The following CNBD1 variants were observed in gnomAD, a reference collection of about 807,000 sequenced individuals.
CNBD1 encodes the protein cyclic nucleotide binding domain containing 1, also known as cyclic nucleotide-binding domain-containing protein 1.
In CNBD1, 71 loss-of-function variants were observed where a neutral mutation model predicts 54.4. That is an observed-to-expected ratio of 1.30 (90% confidence interval 1.08 to 1.59). The LOEUF (loss-of-function observed/expected upper bound fraction) is 1.59, where lower values mean the gene tolerates loss of function less well. Among genes scored for constraint, CNBD1 ranks in the 40% most tolerant of loss-of-function variants. CNBD1 has a pLI of 0.00. For synonymous variants in CNBD1, 182 were observed against 170.7 expected (o/e 1.07, Z -0.51); for missense variants, 659 against 518.0 (o/e 1.27, Z -2.64).
At chr8:86,986,912 C>T (rs943648240) in intron 4 of CNBD1, among the ~76,000 whole-genome samples, 13 of 152,056 alleles carry the variant, frequency 8.5e-5, no homozygotes, top group Non-Finnish European at 5.9e-5. Flanking sequence ...GTTGCTTTAG[C>T]CTTATAGTAT....
At chr8:87,353,361 A>G (rs894038740) in intron 9 of CNBD1, among the ~76,000 whole-genome samples, 1 of 152,146 alleles carries the variant, frequency 6.6e-6, no homozygotes, top group Non-Finnish European at 1.5e-5. Flanking sequence ...TGAAATGTGG[A>G]ATTAGTTCAA....
At chr8:87,368,605 C>T (rs1810692123) in intron 10 of CNBD1, among the ~76,000 whole-genome samples, 1 of 151,884 alleles carries the variant, frequency 6.6e-6, no homozygotes, top group African/African-American at 2.4e-5. Context: ...CCACTTCACT[C>T]CACCCTGGGT....
chr8:87,102,177 T>A (rs1458253818), intron 4 of CNBD1, among the ~76,000 whole-genome samples: 1 of 151,978 alleles, frequency 6.6e-6, no homozygotes, highest in Non-Finnish European at 1.5e-5. Flanking sequence ...GTGAACCACT[T>A]CGTCCGGCCC....
At chr8:87,319,993 G>C (rs1054901051) in intron 8 of CNBD1, among the ~76,000 whole-genome samples, 3 of 152,002 alleles carry the variant, frequency 2.0e-5, no homozygotes, top group Non-Finnish European at 4.4e-5. Context: ...ATTTCAAAAA[G>C]TATGTCCCCT....
chr8:87,310,153 A>G (rs1370991335), intron 8 of CNBD1, among the ~76,000 whole-genome samples: 1 of 152,052 alleles, frequency 6.6e-6, no homozygotes, highest in African/African-American at 2.4e-5. Context: ...CCAGGAGTGT[A>G]TGACCAGTCC....
At chr8:87,398,952 T>G (rs1043931171) in intron 2 of CNBD1, among the ~76,000 whole-genome samples, 2 of 152,074 alleles carry the variant, frequency 1.3e-5, no homozygotes, top group South Asian at 4.1e-4. Context: ...ATATTTTTTC[T>G]ACTTGTCAGA....
intron 2 of CNBD1, among the ~76,000 whole-genome samples, chr8:87,420,247 T>G (rs1353015368): frequency 1.3e-5 from 2 of 151,980 alleles, no homozygotes; most frequent in Non-Finnish European, 2.9e-5. Context: ...AGCACTATAA[T>G]GAAAATATGT....
At chr8:87,196,234 A>G (rs1813720411) in intron 4 of CNBD1, among the ~76,000 whole-genome samples, 1 of 152,200 alleles carries the variant, frequency 6.6e-6, no homozygotes, top group South Asian at 2.1e-4. Context: ...TGTTAGTCTC[A>G]ACATTTAAAT....
At chr8:86,913,752 G>C (rs1013659543) in intron 3 of CNBD1, among the ~76,000 whole-genome samples, 1 of 152,134 alleles carries the variant, frequency 6.6e-6, no homozygotes, top group Non-Finnish European at 1.5e-5. Flanking sequence ...GGGTTCAAGA[G>C]CAGAGAACCT....
rs185465622 is a variant in CNBD1, at chr8:87,426,551, G to T, written c.214-1995G>T. Among the ~76,000 whole-genome samples the T allele has an allele frequency of 1.3e-3, 197 of 152,228 alleles. 1 individual carries two copies. Among genetic ancestry groups the T allele is most frequent in the Middle Eastern group, 6.8e-3 (2 of 294 alleles). On this transcript the variant is annotated intron_variant, in intron 2 of 7. Coordinates refer to the CNBD1 transcript ENST00000521593. ...AACAATAACAGAAACTTATAATGAG[G>T]TAATTATCCACTTTTACTTTTTTAT...
intron 5 of CNBD1, among the ~76,000 whole-genome samples, chr8:87,208,381 C>T (rs975913117): frequency 1.3e-5 from 2 of 151,706 alleles, no homozygotes; most frequent in Non-Finnish European, 2.9e-5. Flanking sequence ...AAAATGATTA[C>T]TATATTATTA....
At chr8:86,902,092 A>G (rs901372313) in intron 2 of CNBD1, among the ~76,000 whole-genome samples, 4 of 152,176 alleles carry the variant, frequency 2.6e-5, no homozygotes, top group African/African-American at 9.7e-5. Context: ...ATACATTTCT[A>G]AATAATAATA....
intron 6 of CNBD1, among the ~76,000 whole-genome samples, chr8:87,241,557 C>T (rs1341215021): frequency 2.6e-5 from 4 of 152,124 alleles, no homozygotes; most frequent in Non-Finnish European, 5.9e-5. Flanking sequence ...CAGGCGTGAG[C>T]CACTGCACCC....
intron 4 of CNBD1, among the ~76,000 whole-genome samples, chr8:87,204,424 A>C (rs1813927230): frequency 6.6e-6 from 1 of 152,158 alleles, no homozygotes; most frequent in South Asian, 2.1e-4. Flanking sequence ...AAGCACCTTT[A>C]TTTAACTGAG....
chr8:87,362,653 T>C (rs763311022), intron 10 of CNBD1, among the ~76,000 whole-genome samples: 2 of 152,058 alleles, frequency 1.3e-5, no homozygotes, highest in Admixed American at 1.3e-4. Context: ...TGGCAAGTCA[T>C]GGACTGCAGT....
At position 86,899,219 on chromosome 8, in the gene CNBD1, A is replaced by G. The variant is rs146622651; in HGVS notation, c.159-5862A>G. Among the ~76,000 whole-genome samples, 1,097 of 152,286 alleles carry G rather than the reference A, an allele frequency of 7.2e-3. 6 individuals are homozygous for G. The highest frequency in any genetic ancestry group is 0.019 in the Admixed American group (284 of 15,290). On this transcript the variant is annotated intron_variant, in intron 2 of 10. Coordinates refer to ENST00000518476, the MANE Select transcript of CNBD1 (RefSeq NM_173538.3). ...GGTCAGAGGATACAAAGTAGAATATATGTAGGATGAACAAGTGAAGAGATC... is the reference window on the plus strand; with the variant it reads ...GGTCAGAGGATACAAAGTAGAATATGTGTAGGATGAACAAGTGAAGAGATC...
intron 2 of CNBD1, among the ~76,000 whole-genome samples, chr8:87,390,843 A>G (rs955303585): frequency 6.6e-6 from 1 of 152,208 alleles, no homozygotes. Flanking sequence ...AACCAACCCA[A>G]ATGTCCAACA....
chr8:86,964,827 T>C (rs748664957), intron 4 of CNBD1, among the ~76,000 whole-genome samples: 1 of 152,154 alleles, frequency 6.6e-6, no homozygotes, highest in Non-Finnish European at 1.5e-5. Flanking sequence ...CCTGAGATGG[T>C]CACTAGGAAG....
chr8:87,104,189 A>G (rs1811487100), intron 4 of CNBD1, among the ~76,000 whole-genome samples: 1 of 152,234 alleles, frequency 6.6e-6, no homozygotes, highest in Non-Finnish European at 1.5e-5. Flanking sequence ...AGAATATAAA[A>G]ATGTTGTCAT....
Sources: gnomAD v4.1 joint callset for allele counts (sites outside exome capture counted in the v4.1 genomes callset) on GRCh38, gnomAD v4.1.1 for gene constraint, MANE v1.5 for transcripts, NCBI Gene and HGNC (gene_info 2026-07-23, HGNC 2026-07-21) for gene names.